The following DSG2 variants were observed in gnomAD, a reference collection of about 807,000 sequenced individuals.
The protein encoded by DSG2 is desmoglein 2.
In DSG2, 45 loss-of-function variants were observed where a neutral mutation model predicts 75.6. The observed-to-expected ratio is 0.60, with a 90% CI of 0.47 to 0.76. The LOEUF is 0.76. Ranked by LOEUF, DSG2 falls within the 30% of genes least tolerant of loss-of-function variation. The pLI, the probability that DSG2 is intolerant of heterozygous loss-of-function variation, is 0.00. For missense variants in DSG2, 1,267 were observed against 1,357.4 expected (o/e 0.93, Z 1.05); for synonymous variants, 429 against 483.9 (o/e 0.89, Z 1.49).
chr18:31,539,329 A>C (rs1197664800), intron 12 of DSG2, among the ~76,000 whole-genome samples: 3 of 152,160 alleles, frequency 2.0e-5, no homozygotes, highest in Admixed American at 2.0e-4. Context: ...TGCATGTAGT[A>C]AGCGCTCAAA....
intron 1 of DSG2, among the ~76,000 whole-genome samples, chr18:31,500,942 A>G (rs2073010529): frequency 6.6e-6 from 1 of 152,178 alleles, no homozygotes; most frequent in South Asian, 2.1e-4. Context: ...TTAAATTATG[A>G]GTGTGGGGAA....
intron 9 of DSG2, 107 bp from the exon 10 acceptor site, chr18:31,535,163 A>G (rs1236345382): frequency 1.2e-6 from 1 of 827,914 alleles, no homozygotes; most frequent in Non-Finnish European, 2.0e-6. Context: ...TGCCTGTAAT[A>G]AGAACATATT....
intron 4 of DSG2, 36 bp from the exon 5 acceptor site, chr18:31,521,063 A>G (rs765975964): frequency 1.2e-6 from 2 of 1,613,040 alleles, no homozygotes; most frequent in Admixed American, 3.3e-5. Context: ...TAGTTTTCTT[A>G]GCTTAAATCT....
chr18:31,543,800 A>C (rs1029725060), intron 14 of DSG2, among the ~76,000 whole-genome samples: 12 of 151,780 alleles, frequency 7.9e-5, no homozygotes, highest in African/African-American at 2.9e-4. Context: ...TGGAAAGCCA[A>C]GGATGCAGTG....
At chr18:31,502,093 T>C (rs2073016444) in intron 1 of DSG2, among the ~76,000 whole-genome samples, 1 of 152,208 alleles carries the variant, frequency 6.6e-6, no homozygotes, top group South Asian at 2.1e-4. Context: ...AAATGGCAGC[T>C]CTTAACAGAA....
rs750612113 is a variant in DSG2 at position 31,524,570 on chromosome 18, A to ATTG, written c.813_814insTTG (p.Val271_Val272insLeu). On this transcript the variant is annotated inframe_insertion, in exon 7 of 15. Transcript: ENST00000261590. Reference sequence around the variant, plus strand: ...TGGATGTCAATGACAATATACCTGTAGTAGAAAATAAAGTGGTAACTATTA... The same window carrying ATTG: ...TGGATGTCAATGACAATATACCTGTATTGGTAGAAAATAAAGTGGTAACTATTA... The ATTG allele has an allele frequency of 6.2e-7, 1 of 1,614,044 alleles. No homozygotes were observed. Among genetic ancestry groups the ATTG allele is most frequent in the Non-Finnish European group, 8.5e-7 (1 of 1,179,904 alleles).
Position 31,520,965 on chromosome 18 carries a change from G to A in DSG2, c.378+1G>A. On this transcript the variant is annotated splice_donor_variant, in intron 4 of 14. Coordinates refer to ENST00000261590, the MANE Select transcript of DSG2 (RefSeq NM_001943.5). LOFTEE classifies it high-confidence loss of function. ...TCGAGAAGAAACACCATTTTTTCTG[G>A]TAAGAAGAATAATTTTAGATTTATT... 1 of 1,613,202 alleles carries A rather than the reference G, an allele frequency of 6.2e-7. No individual in the cohort carries two copies. Among genetic ancestry groups the A allele is most frequent in the Non-Finnish European group, 8.5e-7 (1 of 1,179,664 alleles).
In DSG2 at chr18:31,535,363, A is replaced by G. The variant is rs1223205082; in HGVS notation, c.1374A>G (p.Arg458=). The part of the protein sequence containing the change: ...KLAKLPDFES[R]YVQNGTYTVK... ...CAAAACTTCCTGATTTTGAATCTAG[A>G]TATGTTCAAAATGGCACATACACTG... Residue 458 remains arginine (R), a synonymous_variant, in exon 10 of 15, where the codon AGA becomes AGG. Coordinates refer to ENST00000261590, the MANE Select transcript of DSG2 (RefSeq NM_001943.5). 1.2e-6 allele frequency: 2 copies of G among 1,611,126 alleles called. No individual in the cohort carries two copies. The highest frequency in any genetic ancestry group is 1.7e-5 in the Admixed American group (1 of 59,968).
intron 1 of DSG2, among the ~76,000 whole-genome samples, chr18:31,498,682 T>C (rs538874845): frequency 1.3e-5 from 2 of 152,208 alleles, no homozygotes; most frequent in Admixed American, 6.5e-5. Context: ...GGGAACAACC[T>C]CGCGCTTCTT....
chr18:31,514,364 T>C (rs2073082500), intron 1 of DSG2, among the ~76,000 whole-genome samples: 1 of 152,202 alleles, frequency 6.6e-6, no homozygotes, highest in Non-Finnish European at 1.5e-5. Context: ...GCTATATGGG[T>C]GTGCATGTTA....
At position 31,531,132 on chromosome 18, in the gene DSG2, A is replaced by G; in HGVS notation, c.1160A>G (p.His387Arg). 1 of 1,614,190 alleles carries G rather than the reference A, an allele frequency of 6.2e-7. No homozygotes were observed. The highest frequency in any genetic ancestry group is 8.5e-7 in the Non-Finnish European group (1 of 1,180,022). Reference protein sequence around the residue: ...VKVKNVKEGIHFKSSVISIYV... With the variant: ...VKVKNVKEGIRFKSSVISIYV... ...GTGAAAAATGTGAAAGAAGGCATTC[A>G]TTTTAAAAGCAGCGTCATCTCAATT... The change falls in exon 9 of 15, where the codon CAT (histidine) becomes CGT (arginine). Residue 387 changes from histidine (H) to arginine (R), a missense_variant. Transcript: ENST00000261590.
chr18:31,546,768 C>G lies in DSG2; in HGVS notation c.*25C>G. ...AACAGCAGTCAGCCACAAACTGACC[C>G]AGAGTTTAATTAGCAGTGACTAATT... On this transcript the variant is annotated 3_prime_UTR_variant, in exon 15 of 15. Transcript: ENST00000261590. 1.2e-6 allele frequency: 2 copies of G among 1,609,544 alleles called. No individual in the cohort carries two copies. The highest frequency in any genetic ancestry group is 2.2e-5 in the South Asian group (2 of 90,982).
At chr18:31,504,343 T>C (rs182627544) in intron 1 of DSG2, among the ~76,000 whole-genome samples, 2 of 152,340 alleles carry the variant, frequency 1.3e-5, no homozygotes, top group African/African-American at 4.8e-5. Context: ...ACTGCCTCAA[T>C]TTAATGATCC....
At chr18:31,535,141 A>T (rs1348094023) in intron 9 of DSG2, 129 bp from the exon 10 acceptor site, 8 of 727,124 alleles carry the variant, frequency 1.1e-5, no homozygotes, top group Non-Finnish European at 1.8e-5. Context: ...AATTAAAAAC[A>T]TTCAAAACAA....
intron 11 of DSG2, among the ~76,000 whole-genome samples, chr18:31,537,377 T>C (rs1031724985): frequency 6.6e-6 from 1 of 152,172 alleles, no homozygotes; most frequent in African/African-American, 2.4e-5. Flanking sequence ...CCCAGCACTT[T>C]GGGAGGCCAA....
At chr18:31,518,164 G>A in intron 1 of DSG2, 75 bp from the exon 2 acceptor site, 1 of 1,155,126 alleles carries the variant, frequency 8.7e-7, no homozygotes, top group South Asian at 1.3e-5. Flanking sequence ...CAATGCAGTA[G>A]GTTATTCATG....
In DSG2 at chr18:31,521,244, G is replaced by T. The variant is rs553299589; in HGVS notation, c.523+1G>T. ...TCTGTTGAAGAGTTGAGTGCAGCAC[G>T]TAAGAGTCTTTTTTTTTTTTTTTAA... On this transcript the variant is annotated splice_donor_variant, in intron 5 of 14. Coordinates refer to ENST00000261590, the MANE Select transcript of DSG2 (RefSeq NM_001943.5). LOFTEE classifies it high-confidence loss of function. 1.2e-6 allele frequency: 2 copies of T among 1,602,632 alleles called. No homozygotes were observed. Among genetic ancestry groups the T allele is most frequent in the South Asian group, 2.3e-5 (2 of 88,018 alleles).
At chr18:31,520,664 A>G in intron 3 of DSG2, 139 bp from the exon 4 acceptor site, 1 of 913,412 alleles carries the variant, frequency 1.1e-6, no homozygotes, top group Non-Finnish European at 1.7e-6. Context: ...TGTATTACCA[A>G]AGAACTTCAG....
At chr18:31,535,227 T>G (rs2073221710) in intron 9 of DSG2, 43 bp from the exon 10 acceptor site, 3 of 1,357,234 alleles carry the variant, frequency 2.2e-6, no homozygotes, top group Non-Finnish European at 3.1e-6. Context: ...GGTTTCCAAT[T>G]CATGCAGAAT....
Sources: allele counts gnomAD v4.1 joint callset (sites outside exome capture counted in the v4.1 genomes callset), GRCh38; gene constraint gnomAD v4.1.1; transcripts MANE v1.5; gene names NCBI Gene and HGNC (gene_info 2026-07-23, HGNC 2026-07-21).